The following GALNT17 variants were observed in gnomAD, a reference collection of about 807,000 sequenced individuals.
GALNT17 encodes the protein UDP-GalNAc:polypeptide N-acetylgalactosaminyltransferase-like 3.
In GALNT17, 29 loss-of-function variants were observed where a neutral mutation model predicts 63.7. The ratio of observed to expected loss-of-function variants is 0.46; its 90% confidence interval spans 0.34 to 0.62. The LOEUF is 0.62. Among genes scored for constraint, GALNT17 ranks in the 20% least tolerant of loss-of-function variants. GALNT17 has a pLI of 0.01. For missense variants in GALNT17, 603 were observed against 799.6 expected (o/e 0.75, Z 2.97); for synonymous variants, 305 against 318.3 (o/e 0.96, Z 0.45).
chr7:71,545,840 T>C (rs1788974718), intron 5 of GALNT17, among the ~76,000 whole-genome samples: 1 of 152,168 alleles, frequency 6.6e-6, no homozygotes, highest in East Asian at 1.9e-4. Flanking sequence ...AAATTCTGGG[T>C]TGTATGTGGA....
chr7:71,496,782 G>A (rs752680721), intron 5 of GALNT17, among the ~76,000 whole-genome samples: 1 of 152,126 alleles, frequency 6.6e-6, no homozygotes, highest in African/African-American at 2.4e-5. Flanking sequence ...CGGATGGGGT[G>A]GGGTGGGGAG....
chr7:71,504,664 A>G (rs1788237443), intron 5 of GALNT17, among the ~76,000 whole-genome samples: 1 of 152,076 alleles, frequency 6.6e-6, no homozygotes, highest in South Asian at 2.1e-4. Flanking sequence ...TTATTTACCT[A>G]GTTTACTTAT....
chr7:71,368,724 A>T (rs1364523103), intron 2 of GALNT17, among the ~76,000 whole-genome samples: 2 of 152,178 alleles, frequency 1.3e-5, no homozygotes, highest in Non-Finnish European at 2.9e-5. Flanking sequence ...CCCATAATTG[A>T]TGCTCAGTGT....
rs75122819 is a variant in GALNT17, at chr7:71,237,170, T to C, written c.239-98380T>C. Among the ~76,000 whole-genome samples the C allele has an allele frequency of 7.3e-3, 1,107 of 152,272 alleles. 14 individuals carry two copies. Among genetic ancestry groups the C allele is most frequent in the African/African-American group, 0.025 (1,049 of 41,538 alleles). ...TAGGCAGATCGCCTCCTTCTTTAAA[T>C]TGCCTTTGAAAAATAGCTTTATTGT... On this transcript the variant is annotated intron_variant, in intron 1 of 10. Coordinates refer to ENST00000333538, the MANE Select transcript of GALNT17 (RefSeq NM_022479.3).
intron 3 of GALNT17, among the ~76,000 whole-genome samples, chr7:71,411,606 G>C (rs562549201): frequency 7.3e-4 from 111 of 152,252 alleles, no homozygotes; most frequent in Non-Finnish European, 1.4e-3. Context: ...CTCTTAGGCT[G>C]TCTCAGATGT....
chr7:71,335,235 G>A (rs533047316), intron 1 of GALNT17, among the ~76,000 whole-genome samples: 1 of 152,244 alleles, frequency 6.6e-6, no homozygotes, highest in Admixed American at 6.5e-5. Context: ...GGGCTCAAGA[G>A]ATTCTCCTGC....
At chr7:71,597,099 G>GGTA (rs1225584746) in intron 6 of GALNT17, among the ~76,000 whole-genome samples, 7 of 151,988 alleles carry the variant, frequency 4.6e-5, no homozygotes, top group Non-Finnish European at 2.9e-5. Context: ...GTGCAGTGGT[G>GGTA]CGATCTCAGC....
intron 1 of GALNT17, among the ~76,000 whole-genome samples, chr7:71,313,758 G>A (rs926239944): frequency 3.9e-5 from 6 of 152,140 alleles, no homozygotes; most frequent in African/African-American, 1.4e-4. Flanking sequence ...AAGGCAATTT[G>A]CATAACAATG....
At chr7:71,264,958 C>G (rs1463279058) in intron 1 of GALNT17, among the ~76,000 whole-genome samples, 1 of 150,874 alleles carries the variant, frequency 6.6e-6, no homozygotes, top group African/African-American at 2.4e-5. Flanking sequence ...TTGTAGATTT[C>G]CAGATAACTA....
chr7:71,436,504 G>C (rs1786965763), intron 5 of GALNT17, among the ~76,000 whole-genome samples: 1 of 152,098 alleles, frequency 6.6e-6, no homozygotes, highest in African/African-American at 2.4e-5. Flanking sequence ...CAGATCACGA[G>C]GTCAAGAGAT....
intron 8 of GALNT17, among the ~76,000 whole-genome samples, chr7:71,676,901 G>A (rs1036897551): frequency 1.1e-4 from 16 of 152,220 alleles, no homozygotes; most frequent in African/African-American, 3.6e-4. Flanking sequence ...CTAAGATCGG[G>A]GTAACCAGTG....
chr7:71,237,154 C>T (rs867880644), intron 1 of GALNT17, among the ~76,000 whole-genome samples: 4 of 152,148 alleles, frequency 2.6e-5, no homozygotes, highest in African/African-American at 9.7e-5. Context: ...ATAGGCAGAT[C>T]GCCTCCTTCT....
chr7:71,192,630 A>C (rs1414035118), intron 1 of GALNT17, among the ~76,000 whole-genome samples: 1 of 152,120 alleles, frequency 6.6e-6, no homozygotes, highest in Non-Finnish European at 1.5e-5. Context: ...TCCTGACCTC[A>C]TGTGAGCCAC....
intron 6 of GALNT17, among the ~76,000 whole-genome samples, chr7:71,625,409 G>T (rs1313886486): frequency 6.6e-6 from 1 of 152,148 alleles, no homozygotes; most frequent in Non-Finnish European, 1.5e-5. Flanking sequence ...GCCTCCCAAA[G>T]TGCTGGGATT....
chr7:71,170,922 T>C lies in GALNT17; in HGVS notation c.238+37882T>C, dbSNP rs193271745. Among the ~76,000 whole-genome samples the C allele has an allele frequency of 1.7e-3, 266 of 152,204 alleles. 2 individuals are homozygous for C. The highest frequency in any genetic ancestry group is 2.5e-3 in the Non-Finnish European group (167 of 68,024). ...ACCTGTGCTGTTTAGTTCTTTTTTT[T>C]CCCTGTTTTTCATCTTTATTGCTAG... On this transcript the variant is annotated intron_variant, in intron 1 of 10. Transcript: ENST00000333538.
chr7:71,565,002 C>T (rs994052064), intron 5 of GALNT17, among the ~76,000 whole-genome samples: 2 of 152,194 alleles, frequency 1.3e-5, no homozygotes, highest in Non-Finnish European at 2.9e-5. Context: ...CACGGTGGCT[C>T]ATGCCTGTAA....
chr7:71,279,551 T>C (rs1790743829), intron 1 of GALNT17, among the ~76,000 whole-genome samples: 2 of 151,982 alleles, frequency 1.3e-5, no homozygotes, highest in African/African-American at 4.8e-5. Context: ...CATCCTAATC[T>C]AGTAGACCTC....
intron 6 of GALNT17, among the ~76,000 whole-genome samples, chr7:71,633,730 A>G (rs1349862981): frequency 2.6e-5 from 4 of 152,238 alleles, no homozygotes; most frequent in Non-Finnish European, 5.9e-5. Flanking sequence ...AATACCAGAG[A>G]GGAAATGAGT....
intron 6 of GALNT17, among the ~76,000 whole-genome samples, chr7:71,630,257 C>G (rs1790436189): frequency 6.6e-6 from 1 of 152,202 alleles, no homozygotes; most frequent in Admixed American, 6.5e-5. Context: ...CTTCAGGTAA[C>G]TGAAAAGATG....
Sources: gnomAD v4.1 joint callset for allele counts (sites outside exome capture counted in the v4.1 genomes callset) on GRCh38, gnomAD v4.1.1 for gene constraint, MANE v1.5 for transcripts, NCBI Gene and HGNC (gene_info 2026-07-23, HGNC 2026-07-21) for gene names.